TICRR: variants seen among roughly 807,000 people sequenced by gnomAD.
TICRR encodes the protein TOPBP1 interacting checkpoint and replication regulator.
Under a neutral mutation model 178.1 loss-of-function variants are expected in TICRR, and 132 were observed. The ratio of observed to expected loss-of-function variants is 0.74; its 90% CI spans 0.64 to 0.86. TICRR has a LOEUF of 0.86. TICRR is among the 40% of genes least tolerant of loss of function. TICRR has a pLI of 0.00. For missense variants in TICRR, 2,587 were observed against 2,334.3 expected, an observed-to-expected ratio of 1.11 and a Z score of -2.23; for synonymous variants, 991 against 900.7, an observed-to-expected ratio of 1.10 and a Z score of -1.79.
rs761378226 is a variant in TICRR at position 89,601,840 on chromosome 15, G to A, written c.2431G>A (p.Asp811Asn). The A allele has an allele frequency of 5.0e-6, 8 of 1,614,122 alleles. No individual in the cohort carries two copies. In the Admixed American group the frequency reaches 1.3e-4, roughly 27 times the overall value. ...AGVLPTDFFS[D>N]DSMTQENKSP... ...TGTCCTTCCTACAGATTTTTTCAGTGATGACTCCATGACACAAGAGAACAA... is the reference window on the plus strand; with the variant it reads ...TGTCCTTCCTACAGATTTTTTCAGTAATGACTCCATGACACAAGAGAACAA... Residue 811 changes from aspartate (D) to asparagine (N), a missense_variant, in exon 12 of 22, where the codon GAT (aspartate) becomes AAT (asparagine). Transcript: ENST00000268138.
intron 6 of TICRR, 151 bp downstream of exon 6, chr15:89,594,705 C>G: frequency 1.7e-6 from 1 of 587,396 alleles, no homozygotes. Context: ...TACATTAGTT[C>G]AATAGTGATT....
intron 9 of TICRR, 40 bp downstream of exon 9, chr15:89,600,725 AG>A: frequency 1.0e-6 from 1 of 992,814 alleles, no homozygotes; most frequent in Non-Finnish European, 1.5e-6. Flanking sequence ...TCACTCTAAA[AG>A]CTGTGAGATT....
At chr15:89,577,915 A>G (rs747821093) in intron 1 of TICRR, among the ~76,000 whole-genome samples, 5 of 152,084 alleles carry the variant, frequency 3.3e-5, no homozygotes, top group Non-Finnish European at 7.4e-5. Flanking sequence ...CTGGCAGGGA[A>G]GGCCTTTTTG....
chr15:89,591,888 C>T (rs1962918834), intron 4 of TICRR, 159 bp from the exon 5 acceptor site: 2 of 523,774 alleles, frequency 3.8e-6, no homozygotes, highest in Non-Finnish European at 3.3e-6. Flanking sequence ...CCACATAGGC[C>T]TGTAGCAGTT....
chr15:89,595,039 A>T (rs1962973684), intron 6 of TICRR, among the ~76,000 whole-genome samples: 1 of 152,178 alleles, frequency 6.6e-6, no homozygotes, highest in Non-Finnish European at 1.5e-5. Context: ...CTGGCTCTTT[A>T]TGTAGATTGC....
At chr15:89,579,477 CTGGGAT>C (rs1437841626) in intron 1 of TICRR, among the ~76,000 whole-genome samples, 1 of 152,098 alleles carries the variant, frequency 6.6e-6, no homozygotes, top group Non-Finnish European at 1.5e-5. Flanking sequence ...TCCCGAGTAG[CTGGGAT>C]TACAGGCGCT....
chr15:89,602,135 A>AG (rs1292705277), intron 12 of TICRR, among the ~76,000 whole-genome samples, 159 bp downstream of exon 12: 2 of 152,246 alleles, frequency 1.3e-5, no homozygotes, highest in African/African-American at 4.8e-5. Flanking sequence ...AGCTCCTAAT[A>AG]GGAGCATCTG....
At chr15:89,600,520 G>A in intron 8 of TICRR, 65 bp from the exon 9 acceptor site, 1 of 715,032 alleles carries the variant, frequency 1.4e-6, no homozygotes, top group Non-Finnish European at 2.2e-6. Flanking sequence ...TTAGTCAACT[G>A]TGAAAGAAAT....
At chr15:89,621,744 C>T (rs1963428615) in intron 19 of TICRR, among the ~76,000 whole-genome samples, 194 bp downstream of exon 19, 1 of 152,084 alleles carries the variant, frequency 6.6e-6, no homozygotes, top group Admixed American at 6.6e-5. Flanking sequence ...TTGACTGAAG[C>T]CACGGTGGGG....
At chr15:89,600,251 A>G (rs1348412924) in intron 8 of TICRR, among the ~76,000 whole-genome samples, 1 of 152,154 alleles carries the variant, frequency 6.6e-6, no homozygotes, top group Non-Finnish European at 1.5e-5. Flanking sequence ...TGTTTTATTC[A>G]TGTTCAGTGG....
intron 4 of TICRR, among the ~76,000 whole-genome samples, chr15:89,586,226 C>T (rs1484964835): frequency 1.3e-5 from 2 of 152,162 alleles, no homozygotes; most frequent in Non-Finnish European, 2.9e-5. Context: ...GTCTACCCTG[C>T]ATTGCATTGT....
chr15:89,582,920 G>A lies in TICRR; in HGVS notation c.889G>A (p.Ala297Thr), dbSNP rs1275816313. ...RLLYNSPEYE[A>T]SFPRMEGMLF... ...GCTCTACAATTCTCCTGAGTATGAGGCCTCGTTTCCACGAATGGAAGGAAT... is the reference window on the plus strand; with the variant it reads ...GCTCTACAATTCTCCTGAGTATGAGACCTCGTTTCCACGAATGGAAGGAAT... Residue 297 changes from alanine to threonine, a missense_variant, in exon 2 of 22, where the codon GCC (alanine) becomes ACC (threonine). By Grantham distance (58) the Ala-to-Thr change is moderately conservative (BLOSUM62 0). Coordinates refer to ENST00000268138, the MANE Select transcript of TICRR (RefSeq NM_152259.4). 1 of 1,613,904 alleles carries A rather than the reference G, an allele frequency of 6.2e-7. No individual in the cohort carries two copies. Among genetic ancestry groups the A allele is most frequent in the Non-Finnish European group, 8.5e-7 (1 of 1,179,966 alleles).
intron 13 of TICRR, among the ~76,000 whole-genome samples, chr15:89,605,032 A>G (rs1407752499): frequency 6.6e-6 from 1 of 152,140 alleles, no homozygotes; most frequent in Non-Finnish European, 1.5e-5. Context: ...ACTCCAGAAG[A>G]TCACAAGGAT....
chr15:89,624,963 A>G lies in TICRR; in HGVS notation c.4653A>G (p.Thr1551=), dbSNP rs1963491683. The G allele has an allele frequency of 1.2e-6, 2 of 1,614,116 alleles. No individual in the cohort carries two copies. Among genetic ancestry groups the G allele is most frequent in the Non-Finnish European group, 1.7e-6 (2 of 1,180,028 alleles). ...DNLPASAWHS[T]DSASPQTYEV... The stretch of plus-strand genomic sequence containing the variant: ...TGCCAGCATCAGCTTGGCATTCCAC[A>G]GACTCTGCCAGCCCACAGACCTATG... Residue 1551 remains threonine, a synonymous_variant, in exon 20 of 22, where the codon ACA becomes ACG. Coordinates refer to ENST00000268138, the MANE Select transcript of TICRR (RefSeq NM_152259.4).
chr15:89,626,539 G>C (rs940727318), intron 21 of TICRR, among the ~76,000 whole-genome samples: 3 of 152,164 alleles, frequency 2.0e-5, no homozygotes, highest in Non-Finnish European at 2.9e-5. Context: ...GATTTGGCCT[G>C]TTAACTGCCC....
In TICRR at chr15:89,619,699, A is replaced by C. The variant is rs1567051147; in HGVS notation, c.3020-9A>C. ...TCTTTGGTTACTTACTGTGGTTCTG[A>C]TTTTACAGAAATAAGTCTGAGACGA... On this transcript the variant is annotated splice_polypyrimidine_tract_variant and intron_variant, in intron 17 of 21. Coordinates refer to ENST00000268138, the MANE Select transcript of TICRR (RefSeq NM_152259.4). The C allele has an allele frequency of 6.2e-7, 1 of 1,601,854 alleles. No individual in the cohort carries two copies. The highest frequency in any genetic ancestry group is 2.2e-5 in the East Asian group (1 of 44,784).
intron 4 of TICRR, among the ~76,000 whole-genome samples, chr15:89,589,533 G>A (rs906729290): frequency 6.6e-6 from 1 of 152,136 alleles, no homozygotes; most frequent in Non-Finnish European, 1.5e-5. Context: ...CCATGCAGAG[G>A]GAGGCTTGAG....
In TICRR at chr15:89,627,423, A is replaced by G. The variant is rs1963552955; in HGVS notation, c.*337A>G. ...GGGGCCACTCTGCCTCATTTATGCA[A>G]ATGGAGAAAGGCGCCCTCCCTGGGG... On this transcript the variant is annotated 3_prime_UTR_variant, in exon 22 of 22. Coordinates refer to ENST00000268138, the MANE Select transcript of TICRR (RefSeq NM_152259.4). The G allele has an allele frequency of 3.6e-6, 1 of 280,674 alleles. No homozygotes were observed. Among genetic ancestry groups the G allele is most frequent in the East Asian group, 7.1e-5 (1 of 14,112 alleles). The allele number at this position is 280,674 out of a possible 1,614,324, so 17.4% of individuals were successfully genotyped here.
chr15:89,602,497 A>G (rs191657494), intron 12 of TICRR, among the ~76,000 whole-genome samples: 70 of 152,212 alleles, frequency 4.6e-4, no homozygotes, highest in African/African-American at 1.5e-3. Flanking sequence ...TTTATTTCCT[A>G]TTTCACAAAG....
Sources: gnomAD v4.1 joint callset for allele counts (sites outside exome capture counted in the v4.1 genomes callset) on GRCh38, gnomAD v4.1.1 for gene constraint, MANE v1.5 for transcripts, NCBI Gene and HGNC (gene_info 2026-07-23, HGNC 2026-07-21) for gene names.